Variants in CADPS2 observed in about 807,000 individuals in gnomAD.
The protein encoded by CADPS2 is calcium-dependent secretion activator 2.
A neutral mutation model predicts 172.5 loss-of-function variants in CADPS2; 93 were observed. The observed-to-expected ratio is 0.54, with a 90% confidence interval of 0.46 to 0.64. The LOEUF (loss-of-function observed/expected upper bound fraction) is 0.64, where lower values mean the gene tolerates loss of function less well. Ranked by LOEUF, CADPS2 falls within the 30% of genes least tolerant of loss-of-function variation. The pLI is 0.00. For missense variants in CADPS2, 1,420 were observed against 1,565.9 expected (o/e 0.91, Z 1.57); for synonymous variants, 546 against 555.2 (o/e 0.98, Z 0.23).
At chr7:122,730,525 TAAGC>T (rs1253629923) in intron 2 of CADPS2, among the ~76,000 whole-genome samples, 2 of 151,686 alleles carry the variant, frequency 1.3e-5, no homozygotes, top group Admixed American at 1.3e-4. Context: ...ACATAACTAA[TAAGC>T]AAGATATTAA....
At chr7:122,591,033 G>A (rs932374233) in intron 6 of CADPS2, among the ~76,000 whole-genome samples, 2 of 151,706 alleles carry the variant, frequency 1.3e-5, no homozygotes, top group South Asian at 4.2e-4. Context: ...AAAAGTATCT[G>A]AAATTCCAAA....
At chr7:122,651,920 C>T (rs1333731511) in intron 3 of CADPS2, among the ~76,000 whole-genome samples, 1 of 152,116 alleles carries the variant, frequency 6.6e-6, no homozygotes, top group Admixed American at 6.5e-5. Context: ...CTCTATAGTC[C>T]ATAAGGTGCT....
chr7:122,676,485 A>T (rs544924775), intron 2 of CADPS2: 1 of 398,096 alleles, frequency 2.5e-6, no homozygotes, highest in African/African-American at 2.1e-5. Context: ...TTTATATACC[A>T]GGCTGTATCT....
chr7:122,853,735 A>G (rs1814363258), intron 1 of CADPS2, among the ~76,000 whole-genome samples: 1 of 152,216 alleles, frequency 6.6e-6, no homozygotes, highest in Non-Finnish European at 1.5e-5. Flanking sequence ...CATAATATTC[A>G]TATCAAATCC....
chr7:122,436,404 T>C (rs775838259), intron 17 of CADPS2: 52 of 1,263,784 alleles, frequency 4.1e-5, no homozygotes, highest in Non-Finnish European at 5.1e-5. Flanking sequence ...AAAGAGAATT[T>C]AGGAGAAAAG....
At chr7:122,791,362 C>CT (rs955460218) in intron 1 of CADPS2, among the ~76,000 whole-genome samples, 44 of 149,490 alleles carry the variant, frequency 2.9e-4, no homozygotes, top group Admixed American at 6.7e-4. Context: ...CCTTGCTACT[C>CT]TTTTTTTTTT....
chr7:122,873,812 C>A (rs1820478206), intron 1 of CADPS2, among the ~76,000 whole-genome samples: 1 of 152,208 alleles, frequency 6.6e-6, no homozygotes. Flanking sequence ...TCCCGTTTCT[C>A]CACATCCTCT....
intron 1 of CADPS2, among the ~76,000 whole-genome samples, chr7:122,739,093 T>C (rs758471868): frequency 2.6e-5 from 4 of 152,138 alleles, no homozygotes; most frequent in Non-Finnish European, 4.4e-5. Context: ...TAGGCATGAT[T>C]CACAAAAGGG....
chr7:122,557,366 C>T (rs899376063), intron 7 of CADPS2, among the ~76,000 whole-genome samples: 4 of 152,122 alleles, frequency 2.6e-5, no homozygotes, highest in African/African-American at 9.7e-5. Context: ...AGATCTGGGA[C>T]ACTTCCTTGG....
At chr7:122,735,373 A>G (rs1012521619) in intron 2 of CADPS2, among the ~76,000 whole-genome samples, 1 of 152,070 alleles carries the variant, frequency 6.6e-6, no homozygotes, top group Non-Finnish European at 1.5e-5. Flanking sequence ...CCTGATCACT[A>G]AATTTGTGCA....
chr7:122,389,095 T>G (rs1456367944), intron 22 of CADPS2, among the ~76,000 whole-genome samples: 2 of 152,038 alleles, frequency 1.3e-5, no homozygotes, highest in Non-Finnish European at 2.9e-5. Flanking sequence ...AAAATTATGT[T>G]TTATGCAAGA....
intron 1 of CADPS2, among the ~76,000 whole-genome samples, chr7:122,751,935 A>G (rs2092969514): frequency 6.6e-6 from 1 of 152,170 alleles, no homozygotes; most frequent in Admixed American, 6.6e-5. Context: ...ATTTACTCCC[A>G]TTAGCATTTA....
At chr7:122,881,393 C>T (rs1048496951) in intron 1 of CADPS2, among the ~76,000 whole-genome samples, 13 of 152,178 alleles carry the variant, frequency 8.5e-5, no homozygotes, top group South Asian at 4.1e-4. Context: ...TCTCAGGATA[C>T]CCTGTGGAAG....
At chr7:122,885,079 C>T (rs1823970079) in intron 1 of CADPS2, among the ~76,000 whole-genome samples, 1 of 152,174 alleles carries the variant, frequency 6.6e-6, no homozygotes, top group African/African-American at 2.4e-5. Flanking sequence ...TCTACAGAAC[C>T]TTCCAGGTTC....
At chr7:122,484,471 G>A (rs1462823889) in intron 11 of CADPS2, among the ~76,000 whole-genome samples, 2 of 144,220 alleles carry the variant, frequency 1.4e-5, no homozygotes, top group Non-Finnish European at 3.0e-5. Context: ...AAATACTGAT[G>A]GATACCTCTC....
chr7:122,555,857 C>T (rs2064970993), intron 7 of CADPS2, among the ~76,000 whole-genome samples: 2 of 152,036 alleles, frequency 1.3e-5, no homozygotes, highest in Non-Finnish European at 2.9e-5. Flanking sequence ...TTGTCATGCC[C>T]TTCCCCTACC....
intron 11 of CADPS2, among the ~76,000 whole-genome samples, chr7:122,482,082 T>C (rs1586499814): frequency 6.6e-6 from 1 of 152,200 alleles, no homozygotes; most frequent in South Asian, 2.1e-4. Context: ...TAGTGGTTCC[T>C]ACCTGCTTTT....
At chr7:122,556,143 C>T (rs1038078570) in intron 7 of CADPS2, among the ~76,000 whole-genome samples, 2 of 152,026 alleles carry the variant, frequency 1.3e-5, no homozygotes, top group Non-Finnish European at 2.9e-5. Flanking sequence ...CAATTATGAT[C>T]ATACTCTAGA....
intron 3 of CADPS2, among the ~76,000 whole-genome samples, chr7:122,660,459 C>T (rs1323147937): frequency 6.6e-6 from 1 of 151,918 alleles, no homozygotes; most frequent in Non-Finnish European, 1.5e-5. Flanking sequence ...ACAGAAGGCA[C>T]AAAAACTAGG....
Sources: gnomAD v4.1 joint callset for allele counts (sites outside exome capture counted in the v4.1 genomes callset) on GRCh38, gnomAD v4.1.1 for gene constraint, MANE v1.5 for transcripts, NCBI Gene and HGNC (gene_info 2026-07-23, HGNC 2026-07-21) for gene names.